The following CNTN5 variants were observed in gnomAD, a reference collection of about 807,000 sequenced individuals.
CNTN5 encodes the protein contactin-5.
In CNTN5, 77 loss-of-function variants were observed where a neutral mutation model predicts 129.1. The ratio of observed to expected loss-of-function variants is 0.60; its 90% CI spans 0.50 to 0.72. The LOEUF (loss-of-function observed/expected upper bound fraction) is 0.72. CNTN5 is among the 30% of genes least tolerant of loss of function. CNTN5 has a pLI of 0.00. For synonymous variants in CNTN5, 509 were observed against 465.6 expected, an observed-to-expected ratio of 1.09 and a Z score of -1.20; for missense variants, 1,478 against 1,328.8, an observed-to-expected ratio of 1.11 and a Z score of -1.75.
intron 3 of CNTN5, among the ~76,000 whole-genome samples, chr11:99,625,204 C>T (rs1462456898): frequency 1.3e-5 from 2 of 152,112 alleles, no homozygotes; most frequent in Non-Finnish European, 2.9e-5. Flanking sequence ...TATTGTTTGT[C>T]CCAAATCCAT....
intron 7 of CNTN5, among the ~76,000 whole-genome samples, chr11:99,923,757 G>GTCTGTCTGTCTATCTATCTATCTATCTA (rs71050033): frequency 7.1e-6 from 1 of 140,590 alleles, no homozygotes; most frequent in African/African-American, 2.7e-5. Flanking sequence ...CTATCTGTCT[G>GTCTGTCTGTCTATCTATCTATCTATCTA]TCTATCTATC....
intron 1 of CNTN5, among the ~76,000 whole-genome samples, chr11:99,123,288 C>T (rs1345117766): frequency 2.0e-5 from 3 of 151,858 alleles, no homozygotes; most frequent in African/African-American, 7.3e-5. Context: ...TTGCATTTCT[C>T]TGATGACTAG....
At chr11:99,891,132 A>T (rs182632305) in intron 6 of CNTN5, among the ~76,000 whole-genome samples, 1 of 152,306 alleles carries the variant, frequency 6.6e-6, no homozygotes, top group Non-Finnish European at 1.5e-5. Context: ...AAATCTGAAT[A>T]AATTGTATAC....
At chr11:99,891,497 C>T (rs774196820) in intron 6 of CNTN5, among the ~76,000 whole-genome samples, 4 of 152,006 alleles carry the variant, frequency 2.6e-5, no homozygotes, top group Non-Finnish European at 4.4e-5. Flanking sequence ...CACCCCCCAA[C>T]AGGCCCAGGT....
chr11:99,209,341 A>G (rs1451869144), intron 1 of CNTN5, among the ~76,000 whole-genome samples: 1 of 152,152 alleles, frequency 6.6e-6, no homozygotes, highest in African/African-American at 2.4e-5. Context: ...TGTTGCCAGC[A>G]TCTGCTTCTG....
At chr11:100,078,440 T>G (rs1167264260) in intron 13 of CNTN5, among the ~76,000 whole-genome samples, 1 of 152,146 alleles carries the variant, frequency 6.6e-6, no homozygotes, top group Non-Finnish European at 1.5e-5. Flanking sequence ...TTACATTTGT[T>G]TGTTATTTAT....
intron 1 of CNTN5, among the ~76,000 whole-genome samples, chr11:99,216,860 T>C (rs1860151165): frequency 6.6e-6 from 1 of 151,986 alleles, no homozygotes; most frequent in Non-Finnish European, 1.5e-5. Flanking sequence ...AGAAAATATT[T>C]ACAAACTACC....
chr11:99,449,506 T>C (rs946395369), intron 2 of CNTN5, among the ~76,000 whole-genome samples: 6 of 152,236 alleles, frequency 3.9e-5, no homozygotes, highest in Non-Finnish European at 8.8e-5. Context: ...GCCAAATTTG[T>C]GTGCCATTAC....
At chr11:100,216,282 C>T (rs1054820495) in intron 15 of CNTN5, among the ~76,000 whole-genome samples, 1 of 152,020 alleles carries the variant, frequency 6.6e-6, no homozygotes, top group Non-Finnish European at 1.5e-5. Flanking sequence ...TGTTAAGACA[C>T]TGACTATTCT....
At chr11:100,319,222 A>T (rs1253895067) in intron 21 of CNTN5, among the ~76,000 whole-genome samples, 1 of 146,792 alleles carries the variant, frequency 6.8e-6, no homozygotes, top group Non-Finnish European at 1.5e-5. Flanking sequence ...GCGCAATCTC[A>T]GCTCACTGCA....
intron 13 of CNTN5, among the ~76,000 whole-genome samples, chr11:100,112,748 A>G (rs1408012510): frequency 6.6e-6 from 1 of 152,172 alleles, no homozygotes; most frequent in African/African-American, 2.4e-5. Flanking sequence ...AATTAAGTTT[A>G]AAAATAAAGA....
intron 3 of CNTN5, among the ~76,000 whole-genome samples, chr11:99,654,905 T>G (rs1480553946): frequency 6.6e-6 from 1 of 152,022 alleles, no homozygotes; most frequent in Non-Finnish European, 1.5e-5. Flanking sequence ...AAAAAAAGGT[T>G]TAATCTTAGT....
At chr11:99,809,321 A>C (rs548772478) in intron 3 of CNTN5, among the ~76,000 whole-genome samples, 17 of 152,328 alleles carry the variant, frequency 1.1e-4, no homozygotes, top group Non-Finnish European at 2.9e-5. Flanking sequence ...CCATGATTAT[A>C]AAGTGATCTC....
At chr11:99,688,748 T>C (rs534892632) in intron 3 of CNTN5, among the ~76,000 whole-genome samples, 4 of 152,274 alleles carry the variant, frequency 2.6e-5, no homozygotes, top group African/African-American at 9.6e-5. Context: ...TTCTTGATGC[T>C]CTCCCTTCTC....
intron 2 of CNTN5, among the ~76,000 whole-genome samples, chr11:99,456,744 TA>T (rs1221157271): frequency 1.3e-5 from 2 of 152,144 alleles, no homozygotes; most frequent in Non-Finnish European, 2.9e-5. Context: ...TCCATGGTAC[TA>T]AACCACATCA....
At chr11:99,418,244 CA>C (rs1335350978) in intron 2 of CNTN5, among the ~76,000 whole-genome samples, 3 of 151,262 alleles carry the variant, frequency 2.0e-5, no homozygotes, top group African/African-American at 7.3e-5. Context: ...AATGGAAAAA[CA>C]AAAAAATTTA....
intron 8 of CNTN5, among the ~76,000 whole-genome samples, chr11:99,968,425 T>C (rs1433895507): frequency 6.6e-6 from 1 of 151,512 alleles, no homozygotes; most frequent in Admixed American, 6.6e-5. Context: ...GTAGATAACA[T>C]GTTTATTTTA....
intron 1 of CNTN5, among the ~76,000 whole-genome samples, chr11:99,304,546 A>G (rs78852875): frequency 0.081 from 12,304 of 152,232 alleles, 589 homozygotes; most frequent in Middle Eastern, 0.12. Context: ...TTATTCTGGT[A>G]ATAATTCAAA....
intron 1 of CNTN5, among the ~76,000 whole-genome samples, chr11:99,172,588 C>A (rs1398835219): frequency 6.6e-6 from 1 of 152,066 alleles, no homozygotes; most frequent in Non-Finnish European, 1.5e-5. Context: ...ATTTTCTCAC[C>A]TAAGTTAATT....
Sources: allele counts gnomAD v4.1 joint callset (sites outside exome capture counted in the v4.1 genomes callset), GRCh38; gene constraint gnomAD v4.1.1; transcripts MANE v1.5; gene names NCBI Gene and HGNC (gene_info 2026-07-23, HGNC 2026-07-21).